Variants in PLPPR1 observed in about 807,000 individuals in gnomAD.
PLPPR1 encodes the protein phospholipid phosphatase-related protein type 1.
A neutral mutation model predicts 33.1 loss-of-function variants in PLPPR1; 10 were observed. The observed-to-expected ratio is 0.30, with a 90% confidence interval of 0.19 to 0.51. The LOEUF (loss-of-function observed/expected upper bound fraction) is 0.51. PLPPR1 is among the 20% of genes least tolerant of loss of function. The pLI, the probability that PLPPR1 is intolerant of heterozygous loss-of-function variation, is 0.97. For missense variants in PLPPR1, 304 were observed against 408.1 expected (o/e 0.74, Z 2.20); for synonymous variants, 151 against 151.0 (o/e 1.00, Z 0.00).
chr9:101,150,950 C>T (rs1364732225), intron 1 of PLPPR1, among the ~76,000 whole-genome samples: 1 of 152,080 alleles, frequency 6.6e-6, no homozygotes. Flanking sequence ...TTCACTCTTA[C>T]ATATACACAT....
chr9:101,230,634 G>A (rs1564185044), intron 2 of PLPPR1, among the ~76,000 whole-genome samples: 1 of 151,968 alleles, frequency 6.6e-6, no homozygotes, highest in Non-Finnish European at 1.5e-5. Flanking sequence ...TCAGTATTAG[G>A]AGGTCCACCT....
At chr9:101,126,608 T>C (rs572923039) in intron 1 of PLPPR1, among the ~76,000 whole-genome samples, 1 of 152,310 alleles carries the variant, frequency 6.6e-6, no homozygotes, top group Non-Finnish European at 1.5e-5. Flanking sequence ...TGCTCCAGGT[T>C]TTAATGTTGC....
At chr9:101,192,199 C>G (rs1826307719) in intron 2 of PLPPR1, among the ~76,000 whole-genome samples, 1 of 152,152 alleles carries the variant, frequency 6.6e-6, no homozygotes, top group African/African-American at 2.4e-5. Context: ...TGGCCCTTTA[C>G]TTGCAGGTGC....
At chr9:101,110,893 T>C (rs1014423224) in intron 1 of PLPPR1, among the ~76,000 whole-genome samples, 34 of 152,174 alleles carry the variant, frequency 2.2e-4, no homozygotes, top group African/African-American at 7.7e-4. Flanking sequence ...ATTAATCTTA[T>C]GGGAATAACT....
intron 2 of PLPPR1, among the ~76,000 whole-genome samples, chr9:101,201,683 A>G (rs901601634): frequency 6.6e-6 from 1 of 152,196 alleles, no homozygotes; most frequent in Admixed American, 6.5e-5. Context: ...TTACAAGACA[A>G]TCCAGCTAGA....
At chr9:101,092,245 T>A (rs1830750697) in intron 1 of PLPPR1, among the ~76,000 whole-genome samples, 1 of 152,230 alleles carries the variant, frequency 6.6e-6, no homozygotes, top group African/African-American at 2.4e-5. Flanking sequence ...CTGATCCCCG[T>A]CCTCCAAATT....
chr9:101,127,111 C>T (rs535041136), intron 1 of PLPPR1, among the ~76,000 whole-genome samples: 130 of 152,354 alleles, frequency 8.5e-4, no homozygotes, highest in Non-Finnish European at 1.4e-3. Context: ...AGAATGTCTG[C>T]TTTCAATTTG....
intron 2 of PLPPR1, among the ~76,000 whole-genome samples, chr9:101,195,223 G>A (rs952832847): frequency 4.6e-5 from 7 of 152,146 alleles, no homozygotes; most frequent in South Asian, 4.2e-4. Context: ...CTCACATTTC[G>A]TTAGCCAAAG....
chr9:101,108,755 T>A (rs574146585), intron 1 of PLPPR1, among the ~76,000 whole-genome samples: 1 of 152,222 alleles, frequency 6.6e-6, no homozygotes. Context: ...TTAAGCTACA[T>A]CTTTTGTCTG....
At chr9:101,154,452 C>T (rs909760928) in intron 1 of PLPPR1, among the ~76,000 whole-genome samples, 2 of 151,996 alleles carry the variant, frequency 1.3e-5, no homozygotes, top group South Asian at 2.1e-4. Flanking sequence ...GTGTATGTGT[C>T]GAGGAATTTA....
intron 1 of PLPPR1, among the ~76,000 whole-genome samples, chr9:101,066,558 G>A (rs1830417296): frequency 6.6e-6 from 1 of 151,988 alleles, no homozygotes; most frequent in African/African-American, 2.4e-5. Context: ...ATTTATGTCA[G>A]TATGGACTCA....
intron 1 of PLPPR1, among the ~76,000 whole-genome samples, chr9:101,040,075 A>T (rs964498646): frequency 2.0e-5 from 3 of 152,200 alleles, no homozygotes; most frequent in African/African-American, 7.2e-5. Context: ...GGAAAATGAA[A>T]GCATTTGATC....
intron 3 of PLPPR1, among the ~76,000 whole-genome samples, chr9:101,279,521 A>G (rs1828256654): frequency 6.6e-6 from 1 of 152,206 alleles, no homozygotes; most frequent in African/African-American, 2.4e-5. Context: ...GGAACACAAT[A>G]CACATTCTCC....
Position 101,032,819 on chromosome 9 carries a change from A to AC in PLPPR1, c.-46+3720dup, listed in dbSNP as rs201474736. Reference sequence around the variant, plus strand: ...AGCTGCCCCTATGAAGAAGAACTGTACCCTGAAGTGCCACTAAGAAATAGC... The same window carrying AC: ...AGCTGCCCCTATGAAGAAGAACTGTACCCCTGAAGTGCCACTAAGAAATAGC... On this transcript the variant is annotated intron_variant, in intron 1 of 7. Coordinates refer to ENST00000374874, the MANE Select transcript of PLPPR1 (RefSeq NM_207299.2). Among the ~76,000 whole-genome samples, 12 of 152,222 alleles carry AC rather than the reference A, an allele frequency of 7.9e-5. No individual in the cohort carries two copies. In the East Asian group the frequency reaches 2.3e-3, roughly 29 times the overall value.
At chr9:101,185,907 A>T (rs1826195286) in intron 2 of PLPPR1, among the ~76,000 whole-genome samples, 1 of 151,904 alleles carries the variant, frequency 6.6e-6, no homozygotes, top group Non-Finnish European at 1.5e-5. Flanking sequence ...TTTATTAAAA[A>T]ATCAATATCC....
At chr9:101,279,044 A>G (rs74608690) in intron 3 of PLPPR1, among the ~76,000 whole-genome samples, 7,701 of 152,320 alleles carry the variant, frequency 0.051, 244 homozygotes, top group South Asian at 0.12. Flanking sequence ...TCAGTAAAAC[A>G]TGATATCACC....
chr9:101,277,932 TAGAAAA>T (rs1828227942), intron 3 of PLPPR1, among the ~76,000 whole-genome samples: 3 of 152,140 alleles, frequency 2.0e-5, no homozygotes, highest in African/African-American at 4.8e-5. Context: ...TTCAAATCAT[TAGAAAA>T]AGAAAAACTG....
intron 2 of PLPPR1, among the ~76,000 whole-genome samples, chr9:101,241,234 C>T (rs1244597876): frequency 6.6e-6 from 1 of 151,986 alleles, no homozygotes; most frequent in Non-Finnish European, 1.5e-5. Context: ...ATGATGCAGA[C>T]AGATGAGGTC....
At chr9:101,155,008 G>A (rs1463277737) in intron 1 of PLPPR1, among the ~76,000 whole-genome samples, 2 of 151,650 alleles carry the variant, frequency 1.3e-5, no homozygotes, top group Non-Finnish European at 2.9e-5. Context: ...TATACGTAAT[G>A]TAAATGATGA....
Sources: allele counts gnomAD v4.1 joint callset (sites outside exome capture counted in the v4.1 genomes callset), GRCh38; gene constraint gnomAD v4.1.1; transcripts MANE v1.5; gene names NCBI Gene and HGNC (gene_info 2026-07-23, HGNC 2026-07-21).